SLC24A2: variants seen among roughly 807,000 people sequenced by gnomAD.
SLC24A2 encodes the protein solute carrier family 24 member 2.
SLC24A2 carries 36 observed loss-of-function variants against 62.0 expected under a neutral mutation model. The ratio of observed to expected loss-of-function variants is 0.58; its 90% CI spans 0.44 to 0.77. The LOEUF (loss-of-function observed/expected upper bound fraction) is 0.77, where lower values mean the gene tolerates loss of function less well. Ranked by LOEUF, SLC24A2 falls within the 30% of genes least tolerant of loss-of-function variation. The pLI is 0.00. For synonymous variants in SLC24A2, 358 were observed against 294.0 expected, an observed-to-expected ratio of 1.22 and a Z score of -2.23; for missense variants, 846 against 817.9, an observed-to-expected ratio of 1.03 and a Z score of -0.42.
chr9:20,083,055 A>G, the SLC24A2 span, among the ~76,000 whole-genome samples: 1 of 152,204 alleles, frequency 6.6e-6, no homozygotes, highest in Non-Finnish European at 1.5e-5. Flanking sequence ...TGCCGGGGTC[A>G]TTAAGCATAT....
At chr9:19,929,012 A>G in the SLC24A2 span, 1 of 152,194 alleles carries the variant, frequency 6.6e-6, no homozygotes, top group Non-Finnish European at 1.5e-5. Flanking sequence ...ACCTCCAAGA[A>G]TCTGCACACA....
intron 2 of SLC24A2, among the ~76,000 whole-genome samples, chr9:19,667,800 C>G (rs1293418755): frequency 6.6e-6 from 1 of 152,154 alleles, no homozygotes; most frequent in Non-Finnish European, 1.5e-5. Context: ...CTGTCTGCAG[C>G]CTATCAACAA....
the SLC24A2 span, among the ~76,000 whole-genome samples, chr9:20,245,577 A>G: frequency 6.6e-6 from 1 of 152,218 alleles, no homozygotes; most frequent in Admixed American, 6.5e-5. Flanking sequence ...TGGACCCCCA[A>G]GCCATGGTGA....
At chr9:19,521,756 C>T (rs569943276) in intron 9 of SLC24A2, among the ~76,000 whole-genome samples, 9 of 152,148 alleles carry the variant, frequency 5.9e-5, no homozygotes, top group African/African-American at 2.2e-4. Flanking sequence ...GATAATAATA[C>T]CTACCTTACC....
At chr9:20,158,791 T>C in the SLC24A2 span, among the ~76,000 whole-genome samples, 3 of 151,604 alleles carry the variant, frequency 2.0e-5, no homozygotes, top group Non-Finnish European at 3.0e-5. Context: ...AACAAAATTA[T>C]GGAGCAGCTG....
the SLC24A2 span, among the ~76,000 whole-genome samples, chr9:20,056,222 G>A: frequency 6.6e-6 from 1 of 152,182 alleles, no homozygotes; most frequent in African/African-American, 2.4e-5. Context: ...TGAGCACTGT[G>A]TGTGTGTACA....
chr9:20,210,542 C>T, the SLC24A2 span, among the ~76,000 whole-genome samples: 1 of 150,188 alleles, frequency 6.7e-6, no homozygotes, highest in Non-Finnish European at 1.5e-5. Context: ...GGCGCGATCT[C>T]GGCTCACTGC....
At chr9:19,521,565 C>G (rs1382122885) in intron 9 of SLC24A2, among the ~76,000 whole-genome samples, 2 of 152,236 alleles carry the variant, frequency 1.3e-5, no homozygotes, top group Non-Finnish European at 2.9e-5. Flanking sequence ...CCACTGGAAT[C>G]TCGATTCTGG....
chr9:19,579,891 A>T (rs1836151137), intron 5 of SLC24A2, among the ~76,000 whole-genome samples: 1 of 152,200 alleles, frequency 6.6e-6, no homozygotes, highest in African/African-American at 2.4e-5. Context: ...CATCTTTCAG[A>T]ATAGTGTTGG....
At chr9:19,928,535 T>C in the SLC24A2 span, 4 of 152,238 alleles carry the variant, frequency 2.6e-5, no homozygotes, top group African/African-American at 7.2e-5. Context: ...TCACTCTTCA[T>C]CTTACCCTGT....
the SLC24A2 span, among the ~76,000 whole-genome samples, chr9:20,284,539 T>TG: frequency 2.0e-4 from 30 of 151,838 alleles, no homozygotes; most frequent in Admixed American, 1.6e-3. Context: ...ACATTTTTTT[T>TG]TGTGGTATAG....
intron 8 of SLC24A2, among the ~76,000 whole-genome samples, chr9:19,532,719 G>A (rs1299862060): frequency 6.6e-6 from 1 of 152,172 alleles, no homozygotes; most frequent in African/African-American, 2.4e-5. Context: ...CTCTGTGGGT[G>A]TCAATTACTT....
intron 2 of SLC24A2, among the ~76,000 whole-genome samples, chr9:19,743,760 T>G (rs1821748264): frequency 6.6e-6 from 1 of 152,150 alleles, no homozygotes; most frequent in Non-Finnish European, 1.5e-5. Context: ...GGCACACTAC[T>G]GCCTCTCCCA....
At chr9:19,701,557 C>A (rs912122485) in intron 2 of SLC24A2, among the ~76,000 whole-genome samples, 1 of 152,182 alleles carries the variant, frequency 6.6e-6, no homozygotes, top group Non-Finnish European at 1.5e-5. Context: ...GAATTTATTA[C>A]TGAACAGTTC....
chr9:19,886,998 A>G, the SLC24A2 span, among the ~76,000 whole-genome samples: 1 of 152,202 alleles, frequency 6.6e-6, no homozygotes, highest in African/African-American at 2.4e-5. Context: ...TGGGAGCTGA[A>G]CGACGAGAAC....
chr9:19,545,379 C>A (rs1438474063), intron 8 of SLC24A2, among the ~76,000 whole-genome samples: 1 of 152,018 alleles, frequency 6.6e-6, no homozygotes, highest in Non-Finnish European at 1.5e-5. Flanking sequence ...GAACATGCTG[C>A]TTTAGCTCAG....
chr9:20,031,230 T>TGG, the SLC24A2 span, among the ~76,000 whole-genome samples: 1 of 149,214 alleles, frequency 6.7e-6, no homozygotes, highest in African/African-American at 2.5e-5. Flanking sequence ...ACACACACCC[T>TGG]GTGTGTGTGT....
chr9:20,098,226 C>T, the SLC24A2 span, among the ~76,000 whole-genome samples: 3 of 152,142 alleles, frequency 2.0e-5, no homozygotes. Context: ...CATTTAACAA[C>T]ATTTATTCAT....
the SLC24A2 span, among the ~76,000 whole-genome samples, chr9:20,228,910 T>G: frequency 1.3e-5 from 2 of 152,170 alleles, no homozygotes; most frequent in East Asian, 3.9e-4. Flanking sequence ...GGCTGGAGGA[T>G]GCAGATTCTT....
Sources: allele counts gnomAD v4.1 joint callset (sites outside exome capture counted in the v4.1 genomes callset), GRCh38; gene constraint gnomAD v4.1.1; transcripts MANE v1.5; gene names NCBI Gene and HGNC (gene_info 2026-07-23, HGNC 2026-07-21).